Variants in ZNF311 observed in about 807,000 individuals in gnomAD.
ZNF311 encodes zinc finger protein zfp31.
Under a neutral mutation model 22.7 loss-of-function variants are expected in ZNF311, and 14 were observed. The observed-to-expected ratio is 0.62, with a 90% CI of 0.41 to 0.96. The LOEUF (loss-of-function observed/expected upper bound fraction) is 0.96. Ranked by LOEUF, ZNF311 falls within the 40% of genes least tolerant of loss-of-function variation. The pLI is 0.00. For missense variants in ZNF311, 731 were observed against 799.0 expected, an observed-to-expected ratio of 0.91 and a Z score of 1.03; for synonymous variants, 250 against 275.3, an observed-to-expected ratio of 0.91 and a Z score of 0.91.
At chr6:28,998,135 TA>T (rs1779892728) in intron 6 of ZNF311, among the ~76,000 whole-genome samples, 1 of 151,974 alleles carries the variant, frequency 6.6e-6, no homozygotes, top group South Asian at 2.1e-4. Context: ...AGCACTGCAG[TA>T]ACTGACACAC....
In ZNF311 at chr6:29,003,669, T is replaced by C. The variant is rs1047597564; in HGVS notation, c.10-75A>G. The C allele has an allele frequency of 2.6e-6, 4 of 1,530,360 alleles. No individual in the cohort carries two copies. In the South Asian group the frequency reaches 3.4e-5, roughly 13 times the overall value. The allele number at this position is 1,530,360 out of a possible 1,614,324, so 94.8% of individuals were successfully genotyped here. On this transcript the variant is annotated intron_variant, in intron 2 of 6. Coordinates refer to ENST00000377179, the MANE Select transcript of ZNF311 (RefSeq NM_001382360.1). ...ATACATAGGAAGATGCAAGCAACCA[T>C]ACAGGTCTATCCACAGAAACTGTCT... is the stretch of plus-strand genomic sequence containing the variant.
intron 1 of ZNF311, among the ~76,000 whole-genome samples, chr6:29,004,798 T>A (rs923226063): frequency 1.3e-5 from 2 of 152,122 alleles, no homozygotes; most frequent in Non-Finnish European, 2.9e-5. Flanking sequence ...CTTCTCCCAC[T>A]CCCTCAATCT....
chr6:29,002,369 A>T (rs1378351538), intron 3 of ZNF311, among the ~76,000 whole-genome samples: 1 of 152,162 alleles, frequency 6.6e-6, no homozygotes, highest in Non-Finnish European at 1.5e-5. Flanking sequence ...TCTATAAAAA[A>T]TTTATGTTCT....
chr6:29,003,616 A>G (rs1780757871), intron 2 of ZNF311, 22 bp from the exon 3 acceptor site: 1 of 1,612,692 alleles, frequency 6.2e-7, no homozygotes, highest in Non-Finnish European at 8.5e-7. Context: ...CACAGAATGA[A>G]TTCAGGAAAG....
At chr6:28,999,337 G>A (rs2150689089) in intron 5 of ZNF311, 150 bp downstream of exon 5, 4 of 721,462 alleles carry the variant, frequency 5.5e-6, no homozygotes, top group African/African-American at 1.8e-5. Flanking sequence ...ATGTAATAGA[G>A]GCAACTCAAA....
chr6:29,002,796 T>G (rs1702850117), intron 3 of ZNF311, among the ~76,000 whole-genome samples: 1 of 152,084 alleles, frequency 6.6e-6, no homozygotes. Context: ...AATTTTTGTA[T>G]TTTTAGTAGA....
intron 3 of ZNF311, among the ~76,000 whole-genome samples, chr6:29,001,942 CAT>C (rs928439925): frequency 7.2e-5 from 11 of 152,304 alleles, no homozygotes; most frequent in African/African-American, 2.4e-4. Context: ...ATGAAATGCA[CAT>C]GTCTTAAATG....
At chr6:28,998,652 G>GA in intron 6 of ZNF311, 82 bp downstream of exon 6, 2 of 964,588 alleles carry the variant, frequency 2.1e-6, no homozygotes, top group South Asian at 3.5e-5. Flanking sequence ...CCTTCGACTG[G>GA]ATGATCCACC....
At chr6:29,000,100 C>A in intron 3 of ZNF311, 53 bp from the exon 4 acceptor site, 1 of 1,519,006 alleles carries the variant, frequency 6.6e-7, no homozygotes, top group South Asian at 1.2e-5. Flanking sequence ...TTAATGAAAT[C>A]TCCTGCATTC....
At position 28,996,309 on chromosome 6, in the gene ZNF311, G is replaced by T; in HGVS notation, c.693C>A (p.Asn231Lys). The T allele has an allele frequency of 6.2e-7, 1 of 1,612,834 alleles. No individual in the cohort carries two copies. The highest frequency in any genetic ancestry group is 8.5e-7 in the Non-Finnish European group (1 of 1,180,010). The change falls in exon 7 of 7, where the codon AAC (asparagine) becomes AAA (lysine). Residue 231 changes from asparagine (N) to lysine (K), a missense_variant. Asn to Lys is a moderately conservative substitution (Grantham distance 94). Coordinates refer to ENST00000377179, the MANE Select transcript of ZNF311 (RefSeq NM_001382360.1). Reference sequence around the variant, plus strand: ...CTTTATTACATTGACTATGTTTTGAGTTTGGATTCAAGTTTTTACTAAGCA... The same window carrying T: ...CTTTATTACATTGACTATGTTTTGATTTTGGATTCAAGTTTTTACTAAGCA... ...QKVLSKNLNP[N>K]SKHSQCNKVL... is the part of the protein sequence containing the mutation.
intron 3 of ZNF311, among the ~76,000 whole-genome samples, chr6:29,001,482 C>T (rs1263435991): frequency 1.3e-5 from 2 of 152,156 alleles, no homozygotes; most frequent in East Asian, 1.9e-4. Flanking sequence ...CTAAAAGCTC[C>T]GAGCTCCTTT....
intron 5 of ZNF311, 105 bp downstream of exon 5, chr6:28,999,382 G>A: frequency 8.9e-7 from 1 of 1,127,522 alleles, no homozygotes; most frequent in East Asian, 3.0e-5. Context: ...TGATGATAAA[G>A]AATAAGGACT....
At chr6:29,003,794 C>T (rs543860121) in intron 2 of ZNF311, 152 bp downstream of exon 2, 2 of 1,547,966 alleles carry the variant, frequency 1.3e-6, no homozygotes, top group South Asian at 2.4e-5. Flanking sequence ...TTAATGATCA[C>T]CAGGTCAAGC....
rs1401523410 is a variant in ZNF311, at chr6:28,994,989, G to C, written c.*12C>G. The C allele has an allele frequency of 6.3e-7, 1 of 1,575,700 alleles. No individual in the cohort carries two copies. The highest frequency in any genetic ancestry group is 8.6e-7 in the Non-Finnish European group (1 of 1,162,648). ...GTAGGAAAAACAGAAAGTAACACCA[G>C]AATCGTTATACTCAGGCACTGGTCA... On this transcript the variant is annotated 3_prime_UTR_variant, in exon 7 of 7. Coordinates refer to ENST00000377179, the MANE Select transcript of ZNF311 (RefSeq NM_001382360.1).
At chr6:29,000,903 A>G (rs981065905) in intron 3 of ZNF311, among the ~76,000 whole-genome samples, 3 of 151,958 alleles carry the variant, frequency 2.0e-5, no homozygotes, top group Admixed American at 6.6e-5. Flanking sequence ...CAGCCTCCCA[A>G]GTAGCTGGGA....
In ZNF311 at chr6:28,995,509, G is replaced by A; in HGVS notation, c.1493C>T (p.Pro498Leu). The change falls in exon 7 of 7, where the codon CCC (proline) becomes CTC (leucine). Residue 498 changes from proline to leucine, a missense_variant. By Grantham distance (98) the Pro-to-Leu change is moderately conservative. Coordinates refer to ENST00000377179, the MANE Select transcript of ZNF311 (RefSeq NM_001382360.1). The surrounding 1 kb of genome is among the most constrained non-coding windows in gnomAD (Gnocchi z 4.7). ...AHEREHTGEKPYQCRDCGKTF... is the reference protein window; with the variant it reads ...AHEREHTGEKLYQCRDCGKTF... The stretch of plus-strand genomic sequence containing the variant: ...TTTCCCACAATCCCTGCATTGATAG[G>A]GCTTCTCCCCTGTATGCTCTCGTTC... 8 of 1,613,796 alleles carry A rather than the reference G, an allele frequency of 5.0e-6. No homozygotes were observed. The highest frequency in any genetic ancestry group is 6.8e-6 in the Non-Finnish European group (8 of 1,180,000).
In ZNF311 at chr6:28,998,725, A is replaced by G; in HGVS notation, c.415+9T>C. 1.9e-6 allele frequency: 3 copies of G among 1,593,580 alleles called. No homozygotes were observed. Among genetic ancestry groups the G allele is most frequent in the Non-Finnish European group, 2.6e-6 (3 of 1,165,790 alleles). On this transcript the variant is annotated intron_variant, in intron 6 of 6. Coordinates refer to ENST00000377179, the MANE Select transcript of ZNF311 (RefSeq NM_001382360.1). ...ATCAGAGGGAACTGAAAGTTTCTCT[A>G]TTACTCACCTGGGTAGGAGCAGCTT...
intron 3 of ZNF311, among the ~76,000 whole-genome samples, chr6:29,002,157 A>G (rs2150715375): frequency 6.6e-6 from 1 of 152,324 alleles, no homozygotes; most frequent in Middle Eastern, 3.4e-3. Context: ...TGAAAAAACA[A>G]CATAAAACTT....
chr6:28,998,717 G>A lies in ZNF311; in HGVS notation c.415+17C>T, dbSNP rs772987149. The A allele has an allele frequency of 1.9e-6, 3 of 1,562,774 alleles. No individual in the cohort carries two copies. On this transcript the variant is annotated intron_variant, in intron 6 of 6. Coordinates refer to ENST00000377179, the MANE Select transcript of ZNF311 (RefSeq NM_001382360.1). The stretch of plus-strand genomic sequence containing the variant: ...CATGGAAGATCAGAGGGAACTGAAA[G>A]TTTCTCTATTACTCACCTGGGTAGG...
Sources: allele counts gnomAD v4.1 joint callset (sites outside exome capture counted in the v4.1 genomes callset), GRCh38; gene constraint gnomAD v4.1.1; non-coding constraint Gnocchi (gnomAD v3.1); transcripts MANE v1.5; gene names NCBI Gene and HGNC (gene_info 2026-07-23, HGNC 2026-07-21).